ANKRD12: variants seen among roughly 807,000 people sequenced by gnomAD.
The protein encoded by ANKRD12 is ankyrin repeat domain 12, also known as ankyrin repeat domain-containing protein 12.
Under a neutral mutation model 183.4 loss-of-function variants are expected in ANKRD12, and 85 were observed. That is an observed-to-expected ratio of 0.46 (90% CI 0.39 to 0.56). The LOEUF (loss-of-function observed/expected upper bound fraction) is 0.56. Among genes scored for constraint, ANKRD12 ranks in the 20% least tolerant of loss-of-function variants. The pLI is 0.00. For synonymous variants in ANKRD12, 914 were observed against 800.2 expected (o/e 1.14, Z -2.40); for missense variants, 2,405 against 2,357.1 (o/e 1.02, Z -0.42).
In ANKRD12 at chr18:9,174,123, C is replaced by T. The variant is rs117497537; in HGVS notation, c.-51-8259C>T. On this transcript the variant is annotated intron_variant, in intron 1 of 12. Coordinates refer to ENST00000262126, the MANE Select transcript of ANKRD12 (RefSeq NM_015208.5). ...CTGTGCTGCCCTGTGAGGGACTCCT[C>T]CTCATCAGGACCACCTGGATTCTTG... Among the ~76,000 whole-genome samples the T allele has an allele frequency of 8.5e-3, 1,302 of 152,334 alleles. 145 individuals are homozygous for T. The South Asian group carries it at 0.21, about 24-fold the overall frequency.
chr18:9,227,137 T>C (rs1393234676), intron 8 of ANKRD12, among the ~76,000 whole-genome samples: 1 of 152,140 alleles, frequency 6.6e-6, no homozygotes, highest in African/African-American at 2.4e-5. Context: ...TTTAGGGCCA[T>C]GATGCATTTA....
chr18:9,177,861 G>A (rs2033398747), intron 1 of ANKRD12, among the ~76,000 whole-genome samples: 1 of 152,140 alleles, frequency 6.6e-6, no homozygotes, highest in Non-Finnish European at 1.5e-5. Context: ...TAATGAGGTT[G>A]CGCATCTTTT....
intron 6 of ANKRD12, 21 bp downstream of exon 6, chr18:9,211,805 C>T (rs369005487): frequency 6.3e-7 from 1 of 1,578,096 alleles, no homozygotes; most frequent in African/African-American, 1.4e-5. Context: ...TAATTCAATA[C>T]CTACTATTCA....
chr18:9,153,910 C>T (rs549717607), intron 1 of ANKRD12, among the ~76,000 whole-genome samples: 1 of 151,976 alleles, frequency 6.6e-6, no homozygotes, highest in African/African-American at 2.4e-5. Flanking sequence ...TTATTTCAAC[C>T]CATGTATGTT....
chr18:9,202,366 G>T (rs2035221082), intron 3 of ANKRD12, among the ~76,000 whole-genome samples: 1 of 152,100 alleles, frequency 6.6e-6, no homozygotes, highest in Non-Finnish European at 1.5e-5. Flanking sequence ...AAAACAGATA[G>T]ATATAATTTT....
chr18:9,217,513 C>T (rs1271660128), intron 7 of ANKRD12, among the ~76,000 whole-genome samples: 1 of 152,154 alleles, frequency 6.6e-6, no homozygotes, highest in Non-Finnish European at 1.5e-5. Flanking sequence ...TTTGTGGGTG[C>T]AGTCAAATAC....
At chr18:9,200,710 T>C (rs1184313773) in intron 3 of ANKRD12, 1 of 152,188 alleles carries the variant, frequency 6.6e-6, no homozygotes, top group Non-Finnish European at 1.5e-5. Flanking sequence ...AATTGTGACC[T>C]TCAAGTGACA....
chr18:9,207,953 C>T (rs2035579153), intron 4 of ANKRD12, among the ~76,000 whole-genome samples: 1 of 152,160 alleles, frequency 6.6e-6, no homozygotes, highest in Admixed American at 6.5e-5. Flanking sequence ...GGCTGCGTTG[C>T]TAATGGGTTT....
At chr18:9,277,742 TTCTGA>T in intron 11 of ANKRD12, among the ~76,000 whole-genome samples, 1 of 133,726 alleles carries the variant, frequency 7.5e-6, no homozygotes, top group Non-Finnish European at 1.7e-5. Context: ...ATTAAGAAAT[TTCTGA>T]TAAGATTTAA....
At chr18:9,204,660 T>C in intron 4 of ANKRD12, 116 bp downstream of exon 4, 1 of 768,856 alleles carries the variant, frequency 1.3e-6, no homozygotes, top group Non-Finnish European at 2.0e-6. Context: ...TTTGGTTAAA[T>C]AAATGAACTA....
chr18:9,174,917 A>G (rs1172470030), intron 1 of ANKRD12, among the ~76,000 whole-genome samples: 1 of 146,282 alleles, frequency 6.8e-6, no homozygotes, highest in Admixed American at 7.0e-5. Context: ...GACTAGAGCA[A>G]ACAGACCAAA....
chr18:9,219,329 T>A (rs1054193488), intron 7 of ANKRD12, among the ~76,000 whole-genome samples: 1 of 152,174 alleles, frequency 6.6e-6, no homozygotes, highest in Admixed American at 6.5e-5. Context: ...CATAAAGATA[T>A]CCACTACAGT....
intron 10 of ANKRD12, among the ~76,000 whole-genome samples, chr18:9,266,103 A>G (rs1218785743): frequency 6.6e-6 from 1 of 152,256 alleles, no homozygotes; most frequent in African/African-American, 2.4e-5. Context: ...CCTCCAGGAA[A>G]TATGGGGCTA....
intron 12 of ANKRD12, 112 bp downstream of exon 12, chr18:9,279,756 C>G: frequency 1.6e-6 from 1 of 612,506 alleles, no homozygotes; most frequent in Non-Finnish European, 2.9e-6. Flanking sequence ...ACTGGTTAGT[C>G]ATGAATCCTC....
chr18:9,256,561 T>G lies in ANKRD12; in HGVS notation c.3294T>G (p.His1098Gln). The G allele has an allele frequency of 1.3e-6, 2 of 1,595,890 alleles. No individual in the cohort carries two copies. Among genetic ancestry groups the G allele is most frequent in the Non-Finnish European group, 1.7e-6 (2 of 1,175,776 alleles). Reference sequence around the variant, plus strand: ...AAATAGAACAGTGGCACAAAAAACATAAGGAAAAAATTAAGCAAAAAGAAA... The same window carrying G: ...AAATAGAACAGTGGCACAAAAAACAGAAGGAAAAAATTAAGCAAAAAGAAA... Reference protein sequence around the residue: ...DLEIEQWHKKHKEKIKQKEKE... With the variant: ...DLEIEQWHKKQKEKIKQKEKE... Residue 1098 changes from histidine (H) to glutamine (Q), a missense_variant, in exon 9 of 13, where the codon CAT becomes CAG. His to Gln is a conservative substitution (Grantham distance 24, BLOSUM62 0). Coordinates refer to ENST00000262126, the MANE Select transcript of ANKRD12 (RefSeq NM_015208.5).
At chr18:9,249,179 T>C (rs2038139534) in intron 8 of ANKRD12, among the ~76,000 whole-genome samples, 2 of 152,108 alleles carry the variant, frequency 1.3e-5, no homozygotes, top group Admixed American at 6.6e-5. Flanking sequence ...AAAGGAGAAA[T>C]TTACAGCCAC....
chr18:9,183,723 C>G (rs1302186705), intron 2 of ANKRD12, among the ~76,000 whole-genome samples: 1 of 151,976 alleles, frequency 6.6e-6, no homozygotes, highest in Non-Finnish European at 1.5e-5. Flanking sequence ...ACCTTTACTT[C>G]TCGCCCCCCT....
intron 8 of ANKRD12, among the ~76,000 whole-genome samples, chr18:9,228,177 A>G (rs2036834840): frequency 6.6e-6 from 1 of 152,180 alleles, no homozygotes; most frequent in Non-Finnish European, 1.5e-5. Context: ...GTATGGCTGA[A>G]TAGTACTCTA....
chr18:9,220,405 G>A (rs2036355899), intron 7 of ANKRD12, among the ~76,000 whole-genome samples: 1 of 152,172 alleles, frequency 6.6e-6, no homozygotes, highest in African/African-American at 2.4e-5. Context: ...GAACACACCA[G>A]TGTTAATGGA....
Sources: gnomAD v4.1 joint callset for allele counts (sites outside exome capture counted in the v4.1 genomes callset) on GRCh38, gnomAD v4.1.1 for gene constraint, MANE v1.5 for transcripts, NCBI Gene and HGNC (gene_info 2026-07-23, HGNC 2026-07-21) for gene names.